The following ADAM33 variants were observed in gnomAD, a reference collection of about 807,000 sequenced individuals.
The protein encoded by ADAM33 is ADAM metallopeptidase domain 33.
Under a neutral mutation model 106.2 loss-of-function variants are expected in ADAM33, and 103 were observed. That is an observed-to-expected ratio of 0.97 (90% CI 0.83 to 1.14). The LOEUF (loss-of-function observed/expected upper bound fraction) is 1.14. ADAM33 is among the 50% of genes most tolerant of loss of function. The pLI is 0.00. For synonymous variants in ADAM33, 483 were observed against 453.0 expected, an observed-to-expected ratio of 1.07 and a Z score of -0.84; for missense variants, 1,120 against 1,096.6, an observed-to-expected ratio of 1.02 and a Z score of -0.30.
chr20:3,678,100 A>G (rs2088135666), intron 2 of ADAM33, among the ~76,000 whole-genome samples: 1 of 152,170 alleles, frequency 6.6e-6, no homozygotes, highest in South Asian at 2.1e-4. Flanking sequence ...CTCCAGCATG[A>G]GCTCATGAGG....
At chr20:3,674,981 G>C (rs1410196929) in intron 4 of ADAM33, 46 bp downstream of exon 4, 1 of 1,612,664 alleles carries the variant, frequency 6.2e-7, no homozygotes. Flanking sequence ...GAATGGTGGG[G>C]GGGTACCTCT....
intron 19 of ADAM33, 41 bp from the exon 20 acceptor site, chr20:3,669,678 T>C: frequency 6.4e-7 from 1 of 1,555,042 alleles, no homozygotes; most frequent in South Asian, 1.2e-5. Context: ...GGCACAGTGA[T>C]CCTGAGTGGG....
In ADAM33 at chr20:3,669,589, G is replaced by C. The variant is rs1483000331; in HGVS notation, c.2289C>G (p.Pro763=). ...HRDHPLGGVH[P]MELGPTATGQ... ...CAGTGGCTGTGGGGCCCAACTCCAT[G>C]GGGTGAACGCCGCCCAGGGGGTGGT... The change falls in exon 20 of 22, where the codon CCC becomes CCG. Residue 763 remains proline (P), a synonymous_variant. Transcript: ENST00000356518. 6.2e-7 allele frequency: 1 copy of C among 1,603,654 alleles called. No homozygotes were observed. The highest frequency in any genetic ancestry group is 8.5e-7 in the Non-Finnish European group (1 of 1,176,180).
chr20:3,676,329 C>T (rs924944200), intron 3 of ADAM33, among the ~76,000 whole-genome samples: 1 of 152,200 alleles, frequency 6.6e-6, no homozygotes, highest in Admixed American at 6.5e-5. Flanking sequence ...CCCTGCTCCC[C>T]TCCCTGTAGA....
At chr20:3,671,820 C>G (rs2087554653) in intron 15 of ADAM33, 41 bp from the exon 16 acceptor site, 1 of 1,551,688 alleles carries the variant, frequency 6.4e-7, no homozygotes, top group Non-Finnish European at 8.7e-7. Context: ...TGCAGTACCC[C>G]CCTTCCCCAA....
At chr20:3,672,655 G>A in intron 12 of ADAM33, 29 bp from the exon 13 acceptor site, 1 of 1,612,164 alleles carries the variant, frequency 6.2e-7, no homozygotes, top group Non-Finnish European at 8.5e-7. Context: ...GAAGGGCCCA[G>A]GTGAGGGCGC....
chr20:3,672,225 C>T lies in ADAM33; in HGVS notation c.1506G>A (p.Leu502=). The change falls in exon 14 of 22, where the codon CTG becomes CTA. Residue 502 remains leucine (L), a synonymous_variant. Transcript: ENST00000356518. The part of the protein sequence containing the change: ...SSHCPPDVYL[L]DGSPCARGSG... ...TGCCCCTGGCACAGGGTGAGCCGTCCAGTAGGTAAACGTCTGGGGGACAGT... is the reference window on the plus strand; with the variant it reads ...TGCCCCTGGCACAGGGTGAGCCGTCTAGTAGGTAAACGTCTGGGGGACAGT... 6.2e-7 allele frequency: 1 copy of T among 1,613,436 alleles called. No homozygotes were observed. Among genetic ancestry groups the T allele is most frequent in the Non-Finnish European group, 8.5e-7 (1 of 1,180,034 alleles).
At position 3,672,331 on chromosome 20, in the gene ADAM33, TGCGCA is replaced by T. The variant is rs56355127; in HGVS notation, c.1402-7_1402-3del. The T allele has an allele frequency of 0.017, 27,904 of 1,611,964 alleles. 818 individuals are homozygous for T. Among genetic ancestry groups the T allele is most frequent in the African/African-American group, 0.14 (10,125 of 74,968 alleles). Reference sequence around the variant, plus strand: ...GCACAGCGCTCCAGCCGGCTTCAGCTGCGCAGGTGACGGGTGGTGGGGAAGGCAGA... The same window carrying T: ...GCACAGCGCTCCAGCCGGCTTCAGCTGGTGACGGGTGGTGGGGAAGGCAGA... On this transcript the variant is annotated splice_region_variant and splice_polypyrimidine_tract_variant and intron_variant, in intron 13 of 21. Transcript: ENST00000356518.
In ADAM33 at chr20:3,673,848, G is replaced by T. The variant is rs1457926609; in HGVS notation, c.802C>A (p.Arg268Ser). Reference protein sequence around the residue: ...TGLEVWTERDRSRVTQDANAT... With the variant: ...TGLEVWTERDSSRVTQDANAT... The stretch of plus-strand genomic sequence containing the variant: ...TTGGCGTCCTGCGTGACGCGGCTGC[G>T]GTCCCGCTCGGTCCACACCTCCAGG... Residue 268 changes from arginine to serine, a missense_variant, in exon 9 of 22, where the codon CGC becomes AGC. Coordinates refer to ENST00000356518, the MANE Select transcript of ADAM33 (RefSeq NM_025220.5). 6.4e-7 allele frequency: 1 copy of T among 1,563,368 alleles called. No homozygotes were observed. Among genetic ancestry groups the T allele is most frequent in the Non-Finnish European group, 8.6e-7 (1 of 1,163,102 alleles).
intron 1 of ADAM33, among the ~76,000 whole-genome samples, chr20:3,679,987 GC>G (rs201162373): frequency 1.1e-4 from 16 of 151,876 alleles, no homozygotes; most frequent in East Asian, 7.7e-4. Flanking sequence ...GGACACTTGT[GC>G]CCCCCCCATC....
intron 3 of ADAM33, among the ~76,000 whole-genome samples, chr20:3,676,541 C>A (rs73608189): frequency 6.6e-6 from 1 of 151,504 alleles, no homozygotes; most frequent in Non-Finnish European, 1.5e-5. Context: ...GGGGTTCAAG[C>A]GATTCTCCCG....
rs752235381 is a variant in ADAM33, at chr20:3,672,620, G to A, written c.1318C>T (p.Arg440Cys). ...ECDCGPGQEC[R>C]DLCCFAHNCS... is the part of the protein sequence containing the mutation. Reference sequence around the variant, plus strand: ...TTGTGAGCAAAGCAGCAGAGGTCGCGGCACTCCTGGGACCAGAAAGGCAAG... The same window carrying A: ...TTGTGAGCAAAGCAGCAGAGGTCGCAGCACTCCTGGGACCAGAAAGGCAAG... The change falls in exon 13 of 22, where the codon CGC (arginine) becomes TGC (cysteine). Residue 440 changes from arginine (R) to cysteine (C), a missense_variant. Physicochemically the swap from Arg to Cys is radical, Grantham distance 180 (BLOSUM62 -3). Transcript: ENST00000356518. 1 of 1,613,406 alleles carries A rather than the reference G, an allele frequency of 6.2e-7. No individual in the cohort carries two copies. Among genetic ancestry groups the A allele is most frequent in the East Asian group, 2.2e-5 (1 of 44,872 alleles).
chr20:3,679,902 A>G (rs988310223), intron 1 of ADAM33, among the ~76,000 whole-genome samples: 6 of 152,302 alleles, frequency 3.9e-5, no homozygotes, highest in Admixed American at 3.3e-4. Flanking sequence ...GCAGAGGGGA[A>G]GGAAAGAGCG....
At chr20:3,680,804 C>T (rs947960903) in intron 1 of ADAM33, among the ~76,000 whole-genome samples, 4 of 152,190 alleles carry the variant, frequency 2.6e-5, no homozygotes, top group Admixed American at 6.5e-5. Flanking sequence ...GTGCTGTCCA[C>T]ATGGCCTTGC....
intron 1 of ADAM33, among the ~76,000 whole-genome samples, chr20:3,679,820 G>A (rs1250382124): frequency 6.6e-6 from 1 of 152,168 alleles, no homozygotes; most frequent in Non-Finnish European, 1.5e-5. Context: ...TGGGGACACG[G>A]GAGTCCCCTG....
At chr20:3,674,400 T>G in intron 6 of ADAM33, 104 bp downstream of exon 6, 1 of 1,601,454 alleles carries the variant, frequency 6.2e-7, no homozygotes, top group South Asian at 1.1e-5. Flanking sequence ...TTCTTCAGAC[T>G]TCAATAAAAA....
chr20:3,672,624 C>T lies in ADAM33; in HGVS notation c.1314G>A (p.Glu438=), dbSNP rs1454059885. Reference sequence around the variant, plus strand: ...GAGCAAAGCAGCAGAGGTCGCGGCACTCCTGGGACCAGAAAGGCAAGAAGG... The same window carrying T: ...GAGCAAAGCAGCAGAGGTCGCGGCATTCCTGGGACCAGAAAGGCAAGAAGG... The part of the protein sequence containing the change: ...GEECDCGPGQ[E]CRDLCCFAHN... The change falls in exon 13 of 22, where the codon GAG becomes GAA. Residue 438 remains glutamate, a splice_region_variant and synonymous_variant. Transcript: ENST00000356518. 6.2e-7 allele frequency: 1 copy of T among 1,613,414 alleles called. No homozygotes were observed. Among genetic ancestry groups the T allele is most frequent in the Non-Finnish European group, 8.5e-7 (1 of 1,179,866 alleles).
chr20:3,672,403 C>A (rs1055064428), intron 13 of ADAM33, 74 bp from the exon 14 acceptor site: 1 of 1,580,054 alleles, frequency 6.3e-7, no homozygotes, highest in African/African-American at 1.3e-5. Flanking sequence ...GAGAGCGCGG[C>A]TCGGAGCTGG....
intron 1 of ADAM33, among the ~76,000 whole-genome samples, chr20:3,681,192 G>A (rs770286574): frequency 2.0e-5 from 3 of 152,178 alleles, no homozygotes; most frequent in Admixed American, 1.3e-4. Flanking sequence ...TGCAGGACTG[G>A]CTAATCCTCC....
Sources: allele counts gnomAD v4.1 joint callset (sites outside exome capture counted in the v4.1 genomes callset), GRCh38; gene constraint gnomAD v4.1.1; transcripts MANE v1.5; gene names NCBI Gene and HGNC (gene_info 2026-07-23, HGNC 2026-07-21).